Variants in GPM6A observed in about 807,000 individuals in gnomAD.
The protein encoded by GPM6A is glycoprotein M6A.
In GPM6A, 7 loss-of-function variants were observed where a neutral mutation model predicts 32.1. The ratio of observed to expected loss-of-function variants is 0.22; its 90% confidence interval spans 0.12 to 0.41. The LOEUF (loss-of-function observed/expected upper bound fraction) is 0.41, where lower values mean the gene tolerates loss of function less well. Among genes scored for constraint, GPM6A ranks in the 10% least tolerant of loss-of-function variants. GPM6A has a pLI of 1.00. For synonymous variants in GPM6A, 130 were observed against 123.4 expected (o/e 1.05, Z -0.35); for missense variants, 235 against 347.2 (o/e 0.68, Z 2.57).
intron 1 of GPM6A, among the ~76,000 whole-genome samples, chr4:175,799,010 A>G (rs1054133971): frequency 6.6e-6 from 1 of 152,246 alleles, no homozygotes; most frequent in Admixed American, 6.5e-5. Context: ...ATGAGTTCAA[A>G]GATTTCAGTG....
At chr4:175,813,077 G>A (rs1276490319), upstream of GPM6A, 4 of 983,806 alleles carry the variant, frequency 4.1e-6, no homozygotes, top group African/African-American at 1.7e-5. Flanking sequence ...TGACTCTTAA[G>A]TAAAAGGGAG....
chr4:175,681,147 C>A (rs1743660893), intron 2 of GPM6A, among the ~76,000 whole-genome samples: 1 of 152,146 alleles, frequency 6.6e-6, no homozygotes. Context: ...AAATTAAAGA[C>A]ATATGTAGTT....
At chr4:175,760,978 T>C (rs1488571687) in intron 1 of GPM6A, among the ~76,000 whole-genome samples, 1 of 152,172 alleles carries the variant, frequency 6.6e-6, no homozygotes, top group African/African-American at 2.4e-5. Flanking sequence ...TAAGGCCTTT[T>C]TATTTATTGT....
chr4:175,731,500 G>A (rs1731428949), intron 1 of GPM6A, among the ~76,000 whole-genome samples: 1 of 151,852 alleles, frequency 6.6e-6, no homozygotes, highest in African/African-American at 2.4e-5. Flanking sequence ...ACAAGGGTAA[G>A]GCGCAGCAGG....
intron 1 of GPM6A, among the ~76,000 whole-genome samples, chr4:175,717,448 A>AT (rs200182426): frequency 0.017 from 2,662 of 152,184 alleles, 61 homozygotes; most frequent in South Asian, 0.11. Flanking sequence ...TTAATTATGC[A>AT]TTTTTCTGCC....
chr4:175,719,712 T>C (rs1746017171), intron 1 of GPM6A, among the ~76,000 whole-genome samples: 1 of 152,142 alleles, frequency 6.6e-6, no homozygotes, highest in South Asian at 2.1e-4. Flanking sequence ...CATTTGGAAA[T>C]AGAGAGACAA....
intron 1 of GPM6A, among the ~76,000 whole-genome samples, chr4:175,793,364 CTATTTATTTATTTATT>C (rs5864347): frequency 1.3e-4 from 19 of 149,610 alleles, no homozygotes; most frequent in Non-Finnish European, 2.4e-4. Context: ...CTATTCTATT[CTATTTATTTATTTATT>C]TATTTATTTA....
chr4:175,783,827 T>C (rs1433109311), intron 1 of GPM6A, among the ~76,000 whole-genome samples: 1 of 152,018 alleles, frequency 6.6e-6, no homozygotes, highest in Non-Finnish European at 1.5e-5. Flanking sequence ...AAGACTCAAA[T>C]TCATTTTATG....
intron 1 of GPM6A, among the ~76,000 whole-genome samples, chr4:175,726,439 G>A (rs1183258279): frequency 6.6e-6 from 1 of 152,118 alleles, no homozygotes; most frequent in Admixed American, 6.6e-5. Context: ...TCTCCATATT[G>A]TAGAAAATAC....
chr4:175,899,830 CCT>C (rs1262890079), intron 1 of GPM6A, among the ~76,000 whole-genome samples: 1 of 151,898 alleles, frequency 6.6e-6, no homozygotes, highest in Non-Finnish European at 1.5e-5. Context: ...TTGAGCAATA[CCT>C]CACAAGCACA....
intron 1 of GPM6A, chr4:175,872,742 G>C (rs1285118213): frequency 6.6e-6 from 1 of 152,066 alleles, no homozygotes; most frequent in East Asian, 1.9e-4. Context: ...ACAAATAAAA[G>C]GTGCAAAGAA....
chr4:175,797,366 T>C (rs975310798), intron 1 of GPM6A, among the ~76,000 whole-genome samples: 1 of 152,202 alleles, frequency 6.6e-6, no homozygotes, highest in African/African-American at 2.4e-5. Flanking sequence ...TATTTATTAA[T>C]GATGTTTGGG....
chr4:175,692,509 G>A (rs1331851500), intron 2 of GPM6A, among the ~76,000 whole-genome samples: 5 of 151,984 alleles, frequency 3.3e-5, no homozygotes, highest in South Asian at 2.1e-4. Flanking sequence ...TAGTATACCT[G>A]TTTTTATATT....
intron 1 of GPM6A, among the ~76,000 whole-genome samples, chr4:175,873,132 A>G: frequency 6.6e-6 from 1 of 152,096 alleles, no homozygotes; most frequent in East Asian, 1.9e-4. Flanking sequence ...TTCAGATGTA[A>G]TGAAGGACAA....
intron 1 of GPM6A, among the ~76,000 whole-genome samples, chr4:175,708,240 T>A (rs1197101278): frequency 6.6e-6 from 1 of 151,980 alleles, no homozygotes; most frequent in African/African-American, 2.4e-5. Context: ...GGGTAAGGAG[T>A]ACTGGAATAT....
chr4:175,856,998 T>C (rs1014039049), intron 1 of GPM6A, among the ~76,000 whole-genome samples: 1 of 152,154 alleles, frequency 6.6e-6, no homozygotes, highest in African/African-American at 2.4e-5. Flanking sequence ...GGTGGAGCCC[T>C]CACCCAGGAC....
chr4:175,688,424 G>A (rs1370998835), intron 2 of GPM6A, among the ~76,000 whole-genome samples: 2 of 151,636 alleles, frequency 1.3e-5, no homozygotes, highest in South Asian at 2.1e-4. Context: ...GTGGAGATCC[G>A]GTTTTTCCAG....
chr4:175,813,620 C>T (rs1253451540), upstream of GPM6A, among the ~76,000 whole-genome samples: 1 of 151,928 alleles, frequency 6.6e-6, no homozygotes, highest in African/African-American at 2.4e-5. Context: ...ATAACTGTAA[C>T]TCTCTGCCTT....
chr4:175,829,679 T>C (rs1735547441), intron 1 of GPM6A, among the ~76,000 whole-genome samples: 1 of 146,914 alleles, frequency 6.8e-6, no homozygotes, highest in East Asian at 1.9e-4. Flanking sequence ...ATAAAACATA[T>C]ATATATTACA....
Sources: allele counts gnomAD v4.1 joint callset (sites outside exome capture counted in the v4.1 genomes callset), GRCh38; gene constraint gnomAD v4.1.1; transcripts MANE v1.5; gene names NCBI Gene and HGNC (gene_info 2026-07-23, HGNC 2026-07-21).